The following CCBE1 variants were observed in gnomAD, a reference collection of about 807,000 sequenced individuals.
CCBE1 encodes the protein collagen and calcium binding EGF domains 1, also known as collagen and calcium-binding EGF domain-containing protein 1.
A neutral mutation model predicts 50.0 loss-of-function variants in CCBE1; 37 were observed. The observed-to-expected ratio is 0.74, with a 90% CI of 0.57 to 0.97. The LOEUF is 0.97. CCBE1 is among the 50% of genes least tolerant of loss of function. The pLI, the probability that CCBE1 is intolerant of heterozygous loss-of-function variation, is 0.00. For missense variants in CCBE1, 538 were observed against 523.8 expected, an observed-to-expected ratio of 1.03 and a Z score of -0.26; for synonymous variants, 234 against 203.7, an observed-to-expected ratio of 1.15 and a Z score of -1.27.
intron 3 of CCBE1, among the ~76,000 whole-genome samples, chr18:59,473,781 T>TC (rs372389748): frequency 2.5e-3 from 2 of 788 alleles, no homozygotes; most frequent in Admixed American, 0.018. Flanking sequence ...CACTATTTCC[T>TC]CCCCACTACT....
At chr18:59,550,175 C>G (rs114368135) in intron 2 of CCBE1, among the ~76,000 whole-genome samples, 2,411 of 152,266 alleles carry the variant, frequency 0.016, 27 homozygotes, top group Non-Finnish European at 0.024. Context: ...CCACCACAAG[C>G]TCTGGAGCAG....
intron 2 of CCBE1, among the ~76,000 whole-genome samples, chr18:59,491,064 C>A (rs1396461752): frequency 6.6e-6 from 1 of 152,192 alleles, no homozygotes; most frequent in East Asian, 1.9e-4. Flanking sequence ...AAGACCTGGG[C>A]ATTTATTTAT....
At chr18:59,504,545 T>C (rs868243061) in intron 2 of CCBE1, among the ~76,000 whole-genome samples, 5 of 152,164 alleles carry the variant, frequency 3.3e-5, no homozygotes, top group Non-Finnish European at 7.3e-5. Flanking sequence ...AGTGTCTTTG[T>C]GAGAGACAGA....
intron 2 of CCBE1, among the ~76,000 whole-genome samples, chr18:59,552,660 G>A (rs1262657217): frequency 6.6e-6 from 1 of 152,154 alleles, no homozygotes; most frequent in Non-Finnish European, 1.5e-5. Flanking sequence ...TTTACTGTGG[G>A]AAGTAGTCTA....
At chr18:59,611,600 G>C (rs2053569598) in intron 2 of CCBE1, among the ~76,000 whole-genome samples, 1 of 152,134 alleles carries the variant, frequency 6.6e-6, no homozygotes, top group Non-Finnish European at 1.5e-5. Context: ...CAAAAAAATA[G>C]CTGGGCATGG....
At chr18:59,620,664 C>G (rs1035109159) in intron 2 of CCBE1, among the ~76,000 whole-genome samples, 3 of 152,148 alleles carry the variant, frequency 2.0e-5, no homozygotes, top group African/African-American at 4.8e-5. Context: ...ATAAGTCTCA[C>G]AAGATCTGAT....
At chr18:59,549,598 T>C (rs181885946) in intron 2 of CCBE1, among the ~76,000 whole-genome samples, 1 of 152,290 alleles carries the variant, frequency 6.6e-6, no homozygotes, top group East Asian at 1.9e-4. Context: ...TCCCACTGAC[T>C]TCTGTTAATA....
chr18:59,563,125 C>T (rs1568208412), intron 2 of CCBE1, among the ~76,000 whole-genome samples: 1 of 152,154 alleles, frequency 6.6e-6, no homozygotes, highest in Non-Finnish European at 1.5e-5. Context: ...GGGTGAGCTG[C>T]CCAGAACATC....
chr18:59,439,528 A>G lies in CCBE1; in HGVS notation c.951+15T>C, dbSNP rs760002615. On this transcript the variant is annotated intron_variant, in intron 9 of 10. Coordinates refer to ENST00000439986, the MANE Select transcript of CCBE1 (RefSeq NM_133459.4). ...GAGAGACCTTTAGCTTGTGAGGACC[A>G]CTCATAAGGCTTACCTTAGAACCAT... 1.5e-5 allele frequency: 25 copies of G among 1,614,020 alleles called. 1 individual carries two copies. The South Asian group carries it at 2.6e-4, about 17-fold the overall frequency.
chr18:59,642,007 A>AG (rs1184503690), intron 2 of CCBE1, among the ~76,000 whole-genome samples: 1 of 151,246 alleles, frequency 6.6e-6, no homozygotes, highest in African/African-American at 2.5e-5. Flanking sequence ...GTAGATATTG[A>AG]GAAAAAATGT....
intron 2 of CCBE1, among the ~76,000 whole-genome samples, chr18:59,648,840 T>C (rs2054090389): frequency 6.6e-6 from 1 of 152,220 alleles, no homozygotes; most frequent in Admixed American, 6.5e-5. Context: ...CTGGCCAGGC[T>C]TTGTCCAGCG....
chr18:59,681,102 C>A (rs1044345941), intron 2 of CCBE1, among the ~76,000 whole-genome samples: 1 of 150,608 alleles, frequency 6.6e-6, no homozygotes, highest in African/African-American at 2.4e-5. Flanking sequence ...ACATATATAG[C>A]TAAGTTGCAT....
intron 2 of CCBE1, among the ~76,000 whole-genome samples, chr18:59,483,164 A>G (rs766906685): frequency 6.6e-6 from 1 of 152,238 alleles, no homozygotes; most frequent in African/African-American, 2.4e-5. Flanking sequence ...AGCTTTGTCA[A>G]ATAATTAGAA....
chr18:59,432,938 T>C lies in CCBE1; in HGVS notation c.*2970A>G, dbSNP rs1285699445. On this transcript the variant is annotated 3_prime_UTR_variant, in exon 11 of 11. Coordinates refer to ENST00000439986, the MANE Select transcript of CCBE1 (RefSeq NM_133459.4). ...GGACCTAGCCATCTCTCATACAGCT[T>C]GTGCATAGTTTTGTGTGTTTTTTTT... The C allele has an allele frequency of 1.6e-5, 2 of 123,520 alleles. No individual in the cohort carries two copies. The highest frequency in any genetic ancestry group is 6.0e-5 in the African/African-American group (2 of 33,136). 7.7% of individuals were successfully genotyped at this position (123,520 alleles called of 1,614,324 possible).
chr18:59,481,700 C>T (rs1912578828), intron 2 of CCBE1, among the ~76,000 whole-genome samples: 1 of 152,044 alleles, frequency 6.6e-6, no homozygotes, highest in Non-Finnish European at 1.5e-5. Flanking sequence ...ACTTGTGCAA[C>T]CCAGAATATC....
chr18:59,434,614 G>A lies in CCBE1; in HGVS notation c.*1294C>T, dbSNP rs1279719730. The A allele has an allele frequency of 6.6e-6, 1 of 152,144 alleles. No homozygotes were observed. Among genetic ancestry groups the A allele is most frequent in the African/African-American group, 2.4e-5 (1 of 41,442 alleles). 9.4% of individuals were successfully genotyped at this position (152,144 alleles called of 1,614,324 possible). A position where few individuals can be genotyped will look rare whatever the true frequency, so the allele number is the denominator to read the frequency against. ...GAGGTGGAGATATAGACCTTTTTCTGAACTGCTTCTCACATGCAGGGGAAA... is the reference window on the plus strand; with the variant it reads ...GAGGTGGAGATATAGACCTTTTTCTAAACTGCTTCTCACATGCAGGGGAAA... On this transcript the variant is annotated 3_prime_UTR_variant, in exon 11 of 11. Transcript: ENST00000439986.
chr18:59,630,620 G>A (rs2053838165), intron 2 of CCBE1, among the ~76,000 whole-genome samples: 1 of 152,194 alleles, frequency 6.6e-6, no homozygotes, highest in African/African-American at 2.4e-5. Flanking sequence ...ATGGCTGGAA[G>A]GCTCAGCTGG....
intron 2 of CCBE1, among the ~76,000 whole-genome samples, chr18:59,576,620 T>C (rs2053000890): frequency 6.6e-6 from 1 of 152,174 alleles, no homozygotes; most frequent in African/African-American, 2.4e-5. Context: ...TAAATTGCTT[T>C]TGCTGCCTCC....
intron 2 of CCBE1, among the ~76,000 whole-genome samples, chr18:59,543,252 T>C (rs1324959888): frequency 2.0e-5 from 3 of 152,328 alleles, no homozygotes; most frequent in Non-Finnish European, 1.5e-5. Flanking sequence ...CCCCGCACCA[T>C]ACCTGAAGAA....
Sources: gnomAD v4.1 joint callset for allele counts (sites outside exome capture counted in the v4.1 genomes callset) on GRCh38, gnomAD v4.1.1 for gene constraint, MANE v1.5 for transcripts, NCBI Gene and HGNC (gene_info 2026-07-23, HGNC 2026-07-21) for gene names.